The following HMGCS1 variants were observed in gnomAD, a reference collection of about 807,000 sequenced individuals.
The protein encoded by HMGCS1 is 3-hydroxy-3-methylglutaryl-CoA synthase 1.
Under a neutral mutation model 52.3 loss-of-function variants are expected in HMGCS1, and 9 were observed. The ratio of observed to expected loss-of-function variants is 0.17; its 90% CI spans 0.10 to 0.30. The LOEUF is 0.30. Ranked by LOEUF, HMGCS1 falls within the 10% of genes least tolerant of loss-of-function variation. HMGCS1 has a pLI of 1.00. For missense variants in HMGCS1, 320 were observed against 620.9 expected (o/e 0.52, Z 5.15); for synonymous variants, 176 against 214.4 (o/e 0.82, Z 1.57).
intron 2 of HMGCS1, among the ~76,000 whole-genome samples, chr5:43,301,710 C>T (rs1336724189): frequency 2.0e-5 from 3 of 152,182 alleles, no homozygotes; most frequent in African/African-American, 7.2e-5. Context: ...AGTTAGGAAG[C>T]TGACATGGCA....
chr5:43,309,052 A>C (rs1754722382), intron 1 of HMGCS1, among the ~76,000 whole-genome samples: 1 of 151,928 alleles, frequency 6.6e-6, no homozygotes. Context: ...TCTTCTGCAA[A>C]TTAAGCAGAC....
At chr5:43,302,262 C>T (rs189135411) in intron 2 of HMGCS1, among the ~76,000 whole-genome samples, 1 of 152,296 alleles carries the variant, frequency 6.6e-6, no homozygotes, top group East Asian at 1.9e-4. Flanking sequence ...CTAAATACTA[C>T]CCAATCTTTC....
At chr5:43,297,828 A>C (rs1754105898) in intron 4 of HMGCS1, among the ~76,000 whole-genome samples, 181 bp downstream of exon 4, 1 of 151,232 alleles carries the variant, frequency 6.6e-6, no homozygotes, top group Non-Finnish European at 1.5e-5. Flanking sequence ...ACAAGAGTGA[A>C]ACTCGGTCTC....
At position 43,298,400 on chromosome 5, in the gene HMGCS1, A is replaced by G; in HGVS notation, c.448+118T>C. The G allele has an allele frequency of 1.3e-6, 1 of 743,532 alleles. No individual in the cohort carries two copies. The allele number at this position is 743,532 out of a possible 1,614,324, so 46.1% of individuals were successfully genotyped here. A position where few individuals can be genotyped will look rare whatever the true frequency, so the allele number is the denominator to read the frequency against. The stretch of plus-strand genomic sequence containing the variant: ...ACAGGTAAAATATCTTTCTTAATAT[A>G]TCCAAACAAGGACAAATTACAAAAG... On this transcript the variant is annotated intron_variant, in intron 3 of 10. Coordinates refer to ENST00000325110, the MANE Select transcript of HMGCS1 (RefSeq NM_001098272.3). This position sits in a 1 kb window ranked among gnomAD's most constrained non-coding sequence, Gnocchi z 5.6.
intron 1 of HMGCS1, among the ~76,000 whole-genome samples, chr5:43,308,158 T>C (rs1226477240): frequency 1.3e-5 from 2 of 152,114 alleles, no homozygotes; most frequent in East Asian, 3.8e-4. Flanking sequence ...TTTTCAAGAA[T>C]TGGGGGAAAG....
chr5:43,297,975 T>TA (rs749484947), intron 4 of HMGCS1, 34 bp downstream of exon 4: 81 of 1,597,506 alleles, frequency 5.1e-5, no homozygotes, highest in East Asian at 3.6e-4. Context: ...CATATTGTGC[T>TA]AAAAAAAACA....
intron 2 of HMGCS1, among the ~76,000 whole-genome samples, chr5:43,306,973 G>A (rs1754608443): frequency 6.6e-6 from 1 of 151,738 alleles, no homozygotes; most frequent in South Asian, 2.1e-4. Context: ...AGAATTGTAA[G>A]AGAAGCACTC....
chr5:43,291,987 C>CTTTTTTTTTTTTTTTT (rs537398917), intron 10 of HMGCS1, among the ~76,000 whole-genome samples: 1 of 83,114 alleles, frequency 1.2e-5, no homozygotes, highest in Non-Finnish European at 2.1e-5. Context: ...ACTGTATATT[C>CTTTTTTTTTTTTTTTT]TTTTTTTTTT....
chr5:43,302,236 A>T (rs1446941344), intron 2 of HMGCS1, among the ~76,000 whole-genome samples: 3 of 152,244 alleles, frequency 2.0e-5, no homozygotes, highest in Non-Finnish European at 4.4e-5. Context: ...ACTGAAGTCA[A>T]CATTAAGGAT....
At chr5:43,291,969 T>G (rs1325279311) in intron 10 of HMGCS1, among the ~76,000 whole-genome samples, 1 of 149,594 alleles carries the variant, frequency 6.7e-6, no homozygotes, top group Non-Finnish European at 1.5e-5. Flanking sequence ...TAATAAAACC[T>G]AGTATTTACT....
At chr5:43,297,260 A>ACT (rs1754077704) in intron 4 of HMGCS1, 94 bp from the exon 5 acceptor site, 1 of 1,022,348 alleles carries the variant, frequency 9.8e-7, no homozygotes, top group South Asian at 1.6e-5. Flanking sequence ...ACCTTCCTTA[A>ACT]CTATCTGATC....
chr5:43,302,645 T>C (rs1176128365), intron 2 of HMGCS1, among the ~76,000 whole-genome samples: 1 of 152,186 alleles, frequency 6.6e-6, no homozygotes, highest in East Asian at 1.9e-4. Context: ...CATATGACAG[T>C]CAACAGCCTG....
chr5:43,309,238 AT>A (rs766081777), intron 1 of HMGCS1, among the ~76,000 whole-genome samples: 462 of 142,516 alleles, frequency 3.2e-3, no homozygotes, highest in African/African-American at 4.2e-3. Flanking sequence ...ATTCCCTCAA[AT>A]TTTTTTTTTT....
chr5:43,300,723 A>G (rs1489391607), intron 2 of HMGCS1, among the ~76,000 whole-genome samples: 1 of 150,520 alleles, frequency 6.6e-6, no homozygotes, highest in Admixed American at 6.6e-5. Flanking sequence ...TGAGCCCAGG[A>G]GTACAAGGGT....
In HMGCS1 at chr5:43,290,411, T is replaced by C. The variant is rs1245054917; in HGVS notation, c.*720A>G. On this transcript the variant is annotated 3_prime_UTR_variant, in exon 11 of 11. Coordinates refer to ENST00000325110, the MANE Select transcript of HMGCS1 (RefSeq NM_001098272.3). ...TAGAGCTATATTCACAGCTCCTGAA[T>C]GTACCATGTTTTCTATACCAGAAGC... 1.3e-5 allele frequency: 2 copies of C among 152,222 alleles called. No homozygotes were observed. Among genetic ancestry groups the C allele is most frequent in the Non-Finnish European group, 2.9e-5 (2 of 68,046 alleles). The allele number at this position is 152,222 out of a possible 1,614,324, so 9.4% of individuals were successfully genotyped here.
rs1443187094 is a variant in HMGCS1 at position 43,288,040 on chromosome 5, C to G, written c.*3091G>C. On this transcript the variant is annotated 3_prime_UTR_variant, in exon 11 of 11. Transcript: ENST00000325110. ...ATACTAAGCCTTGGTGAGTATGGTA[C>G]TGAGTTGAAGCAGGAAGAGATCAGA... 1 of 152,158 alleles carries G rather than the reference C, an allele frequency of 6.6e-6. No individual in the cohort carries two copies. The highest frequency in any genetic ancestry group is 1.5e-5 in the Non-Finnish European group (1 of 68,064). 9.4% of individuals were successfully genotyped at this position (152,158 alleles called of 1,614,324 possible).
At chr5:43,294,904 G>T in intron 6 of HMGCS1, 43 bp from the exon 7 acceptor site, 1 of 1,313,820 alleles carries the variant, frequency 7.6e-7, no homozygotes, top group Non-Finnish European at 1.1e-6. Context: ...TAAAGCCTAT[G>T]TTTTTATTAC....
intron 2 of HMGCS1, among the ~76,000 whole-genome samples, chr5:43,299,371 C>T (rs1278933968): frequency 5.3e-5 from 8 of 152,052 alleles, no homozygotes; most frequent in Non-Finnish European, 7.4e-5. Flanking sequence ...TAAATTAGGC[C>T]GGGCGTGGTG....
intron 4 of HMGCS1, among the ~76,000 whole-genome samples, chr5:43,297,396 C>T (rs919395302): frequency 6.6e-6 from 1 of 152,198 alleles, no homozygotes; most frequent in Non-Finnish European, 1.5e-5. Flanking sequence ...AGTTTCATAA[C>T]TCTAACAGTT....
Sources: allele counts gnomAD v4.1 joint callset (sites outside exome capture counted in the v4.1 genomes callset), GRCh38; gene constraint gnomAD v4.1.1; non-coding constraint Gnocchi (gnomAD v3.1); transcripts MANE v1.5; gene names NCBI Gene and HGNC (gene_info 2026-07-23, HGNC 2026-07-21).